SMCHD1: variants seen among roughly 807,000 people sequenced by gnomAD.
SMCHD1 encodes structural maintenance of chromosomes flexible hinge domain-containing protein 1.
Under a neutral mutation model 254.7 loss-of-function variants are expected in SMCHD1, and 78 were observed. That is an observed-to-expected ratio of 0.31 (90% CI 0.26 to 0.37). The LOEUF (loss-of-function observed/expected upper bound fraction) is 0.37, where lower values mean the gene tolerates loss of function less well. Among genes scored for constraint, SMCHD1 ranks in the 10% least tolerant of loss-of-function variants. The pLI is 1.00. For missense variants in SMCHD1, 1,840 were observed against 2,408.1 expected, an observed-to-expected ratio of 0.76 and a Z score of 4.94; for synonymous variants, 766 against 794.9, an observed-to-expected ratio of 0.96 and a Z score of 0.61.
chr18:2,742,908 A>G (rs1040841767), intron 28 of SMCHD1, among the ~76,000 whole-genome samples: 1 of 152,102 alleles, frequency 6.6e-6, no homozygotes, highest in Non-Finnish European at 1.5e-5. Flanking sequence ...AACTGGGCTC[A>G]AGGGATCCTT....
intron 5 of SMCHD1, among the ~76,000 whole-genome samples, chr18:2,687,776 C>CTGT (rs1019379889): frequency 5.9e-5 from 9 of 152,064 alleles, no homozygotes; most frequent in Admixed American, 3.3e-4. Flanking sequence ...TTGCATCTTT[C>CTGT]TGTTCTCTAA....
Position 2,778,304 on chromosome 18 carries a change from TG to T in SMCHD1, c.5547+66del. 3 of 1,167,804 alleles carry T rather than the reference TG, an allele frequency of 2.6e-6. No individual in the cohort carries two copies. The Admixed American group carries it at 6.5e-5, about 25-fold the overall frequency. The allele number at this position is 1,167,804 out of a possible 1,614,324, so 72.3% of individuals were successfully genotyped here. On this transcript the variant is annotated intron_variant, in intron 44 of 47. Transcript: ENST00000320876. Reference sequence around the variant, plus strand: ...TTTAATGTGTATCATGTCCATTTGATGATACATATACAAACGACTAGCCTTT... The same window carrying T: ...TTTAATGTGTATCATGTCCATTTGATATACATATACAAACGACTAGCCTTT...
intron 39 of SMCHD1, among the ~76,000 whole-genome samples, chr18:2,770,757 A>AT (rs2047780045): frequency 6.6e-6 from 1 of 152,082 alleles, no homozygotes; most frequent in African/African-American, 2.4e-5. Flanking sequence ...AGTAGCTAGG[A>AT]TTACAGGCAC....
At chr18:2,792,593 A>C (rs1416290479) in intron 45 of SMCHD1, among the ~76,000 whole-genome samples, 1 of 152,214 alleles carries the variant, frequency 6.6e-6, no homozygotes, top group Non-Finnish European at 1.5e-5. Flanking sequence ...TGTAATACAT[A>C]GTTTGTAATC....
chr18:2,724,109 C>T (rs1247408873), intron 20 of SMCHD1, among the ~76,000 whole-genome samples: 2 of 149,220 alleles, frequency 1.3e-5, no homozygotes, highest in East Asian at 2.0e-4. Flanking sequence ...TTTAATGTGC[C>T]ATCTTTCCCA....
chr18:2,790,537 A>C (rs982497094), intron 45 of SMCHD1, among the ~76,000 whole-genome samples: 1 of 152,158 alleles, frequency 6.6e-6, no homozygotes, highest in East Asian at 1.9e-4. Flanking sequence ...AGGTGGGTGG[A>C]TCACCTGAGG....
At chr18:2,728,169 T>C (rs956637677) in intron 22 of SMCHD1, among the ~76,000 whole-genome samples, 1 of 152,096 alleles carries the variant, frequency 6.6e-6, no homozygotes, top group Non-Finnish European at 1.5e-5. Context: ...CAGTATCTTT[T>C]AAAGATTTTA....
At chr18:2,764,043 G>A (rs999067956) in intron 37 of SMCHD1, 43 of 312,990 alleles carry the variant, frequency 1.4e-4, no homozygotes, top group Non-Finnish European at 2.3e-4. Flanking sequence ...GTGACAGTAC[G>A]TGATGTTTTA....
chr18:2,687,554 G>T (rs2074080445), intron 5 of SMCHD1, among the ~76,000 whole-genome samples: 1 of 151,928 alleles, frequency 6.6e-6, no homozygotes, highest in Admixed American at 6.6e-5. Context: ...TATGTATCTT[G>T]TTTGGGCTCT....
chr18:2,748,384 A>AAATTTTTTTTTTTTTTTTTT (rs2075504984), intron 30 of SMCHD1, among the ~76,000 whole-genome samples: 1 of 68,288 alleles, frequency 1.5e-5, no homozygotes. Context: ...GTGTGTGTGT[A>AAATTTTTTTTTTTTTTTTTT]TATAAATTTT....
intron 36 of SMCHD1, among the ~76,000 whole-genome samples, 194 bp from the exon 37 acceptor site, chr18:2,763,443 C>G (rs1320994560): frequency 6.6e-6 from 1 of 152,124 alleles, no homozygotes; most frequent in Non-Finnish European, 1.5e-5. Context: ...GTCTCTTGTT[C>G]TTTTATGGTT....
chr18:2,802,328 A>G (rs566177843), intron 47 of SMCHD1, among the ~76,000 whole-genome samples, 200 bp from the exon 48 acceptor site: 127 of 152,228 alleles, frequency 8.3e-4, no homozygotes, highest in Admixed American at 3.5e-3. Flanking sequence ...TGTGTTAACT[A>G]CTTTTATTTG....
At chr18:2,802,462 A>G in intron 47 of SMCHD1, 66 bp from the exon 48 acceptor site, 1 of 1,249,474 alleles carries the variant, frequency 8.0e-7, no homozygotes, top group Non-Finnish European at 1.1e-6. Flanking sequence ...TTCAGGTGTG[A>G]TGAGGGAATT....
intron 1 of SMCHD1, among the ~76,000 whole-genome samples, chr18:2,657,166 T>C (rs1233177126): frequency 2.6e-5 from 4 of 152,234 alleles, no homozygotes; most frequent in African/African-American, 9.6e-5. Flanking sequence ...GTCGTGAGGC[T>C]GATAGGTTTA....
intron 25 of SMCHD1, among the ~76,000 whole-genome samples, chr18:2,733,585 C>CCACTT (rs1263050164): frequency 6.6e-6 from 1 of 152,240 alleles, no homozygotes; most frequent in East Asian, 1.9e-4. Flanking sequence ...TGTTGTGTTC[C>CCACTT]CACTTGGTTC....
In SMCHD1 at chr18:2,763,164, C is replaced by T. The variant is rs116423793; in HGVS notation, c.4567-473C>T. ...GACATCTCTTCTTTTCCCAAAACAT[C>T]TTGTTGGGGTAAACGGTGCCATAGA... On this transcript the variant is annotated intron_variant, in intron 36 of 47. Transcript: ENST00000320876. 8.6e-3 allele frequency among the ~76,000 whole-genome samples: 1,304 copies of T among 152,258 alleles called. 17 individuals are homozygous for T. The highest frequency in any genetic ancestry group is 0.029 in the African/African-American group (1,206 of 41,530).
At chr18:2,738,197 G>A (rs1404471569) in intron 25 of SMCHD1, among the ~76,000 whole-genome samples, 200 bp from the exon 26 acceptor site, 2 of 151,992 alleles carry the variant, frequency 1.3e-5, no homozygotes, top group South Asian at 4.2e-4. Context: ...TAAAAAAATA[G>A]GGCAATATTA....
At chr18:2,659,763 GAA>G (rs58068466) in intron 1 of SMCHD1, among the ~76,000 whole-genome samples, 1,942 of 115,420 alleles carry the variant, frequency 0.017, 34 homozygotes, top group African/African-American at 0.048. Context: ...TTGAGATTTT[GAA>G]AAAAAAAAAA....
intron 33 of SMCHD1, 115 bp downstream of exon 33, chr18:2,751,508 AT>A (rs1358100329): frequency 3.3e-6 from 2 of 611,938 alleles, no homozygotes; most frequent in African/African-American, 2.0e-5. Context: ...ATGGAAGTGA[AT>A]TTACTTCATT....
Sources: allele counts gnomAD v4.1 joint callset (sites outside exome capture counted in the v4.1 genomes callset), GRCh38; gene constraint gnomAD v4.1.1; transcripts MANE v1.5; gene names NCBI Gene and HGNC (gene_info 2026-07-23, HGNC 2026-07-21).